CFAP61: variants seen among roughly 807,000 people sequenced by gnomAD.
CFAP61 encodes the protein cilia and flagella associated protein 61.
In CFAP61, 107 loss-of-function variants were observed where a neutral mutation model predicts 135.6. The ratio of observed to expected loss-of-function variants is 0.79; its 90% CI spans 0.67 to 0.93. The LOEUF (loss-of-function observed/expected upper bound fraction) is 0.93. CFAP61 is among the 40% of genes least tolerant of loss of function. The pLI is 0.00. For missense variants in CFAP61, 1,507 were observed against 1,556.2 expected (o/e 0.97, Z 0.53); for synonymous variants, 575 against 578.5 (o/e 0.99, Z 0.09).
At chr20:20,075,288 G>A in intron 5 of CFAP61, 32 bp downstream of exon 5, 2 of 1,605,478 alleles carry the variant, frequency 1.2e-6, no homozygotes, top group Non-Finnish European at 1.7e-6. Context: ...CTGGTCCCCG[G>A]TAGCAAACAT....
rs994934394 is a variant in CFAP61 at position 20,345,718 on chromosome 20, C to T, written c.3513+3797C>T. 5.9e-5 allele frequency among the ~76,000 whole-genome samples: 9 copies of T among 151,892 alleles called. No individual in the cohort carries two copies. The South Asian group carries it at 6.2e-4, about 11-fold the overall frequency. Reference sequence around the variant, plus strand: ...GGCAGATCACCTGAGGTCAGGAGTTCGAGACTAGCCTGGCCAACATGGTGA... The same window carrying T: ...GGCAGATCACCTGAGGTCAGGAGTTTGAGACTAGCCTGGCCAACATGGTGA... On this transcript the variant is annotated intron_variant, in intron 26 of 26. Coordinates refer to ENST00000245957, the MANE Select transcript of CFAP61 (RefSeq NM_015585.4).
intron 2 of CFAP61, among the ~76,000 whole-genome samples, chr20:20,068,935 G>A (rs1383637903): frequency 6.6e-6 from 1 of 152,192 alleles, no homozygotes; most frequent in Non-Finnish European, 1.5e-5. Context: ...AGTAGAAACA[G>A]GGTTTCACCA....
intron 11 of CFAP61, among the ~76,000 whole-genome samples, chr20:20,164,592 C>T (rs1397935972): frequency 6.6e-6 from 1 of 152,040 alleles, no homozygotes; most frequent in African/African-American, 2.4e-5. Flanking sequence ...GAAATCCAAC[C>T]AAACTGGCTT....
intron 6 of CFAP61, among the ~76,000 whole-genome samples, chr20:20,082,820 A>G (rs956502419): frequency 2.6e-5 from 4 of 152,200 alleles, no homozygotes; most frequent in Non-Finnish European, 5.9e-5. Context: ...AAGGATGGCC[A>G]TAATTTAAAA....
chr20:20,352,785 T>A (rs902722109), intron 26 of CFAP61, among the ~76,000 whole-genome samples: 32 of 152,170 alleles, frequency 2.1e-4, no homozygotes, highest in African/African-American at 7.5e-4. Context: ...TCAGAAAGGA[T>A]TTTTTTGGAT....
intron 8 of CFAP61, among the ~76,000 whole-genome samples, chr20:20,120,238 G>C (rs2049506584): frequency 6.6e-6 from 1 of 152,088 alleles, no homozygotes; most frequent in African/African-American, 2.4e-5. Context: ...TTGTTTATTT[G>C]AAGACTTCCT....
At chr20:20,334,942 C>T (rs1405748096) in intron 25 of CFAP61, among the ~76,000 whole-genome samples, 1 of 152,178 alleles carries the variant, frequency 6.6e-6, no homozygotes, top group East Asian at 1.9e-4. Context: ...CCAGGAATAA[C>T]TAGAAATACT....
intron 17 of CFAP61, among the ~76,000 whole-genome samples, chr20:20,203,403 A>G (rs2056718965): frequency 6.6e-6 from 1 of 152,184 alleles, no homozygotes; most frequent in Non-Finnish European, 1.5e-5. Flanking sequence ...ACTCTCATGG[A>G]AGTTTTTATT....
intron 15 of CFAP61, among the ~76,000 whole-genome samples, chr20:20,192,655 C>T (rs1423788592): frequency 2.6e-5 from 4 of 152,120 alleles, no homozygotes; most frequent in Admixed American, 6.5e-5. Flanking sequence ...TAAATATTAC[C>T]TTTGTTAAAC....
intron 25 of CFAP61, among the ~76,000 whole-genome samples, chr20:20,320,929 A>C (rs2057481075): frequency 6.6e-6 from 1 of 151,708 alleles, no homozygotes; most frequent in Admixed American, 6.6e-5. Flanking sequence ...GGATTATTTG[A>C]AATGTTTACA....
At chr20:20,151,007 C>A (rs1463736286) in intron 9 of CFAP61, among the ~76,000 whole-genome samples, 1 of 152,072 alleles carries the variant, frequency 6.6e-6, no homozygotes, top group Non-Finnish European at 1.5e-5. Flanking sequence ...TTCTGTAACA[C>A]CCCCAAAAGA....
chr20:20,169,892 A>G (rs1385280612), intron 13 of CFAP61, among the ~76,000 whole-genome samples: 1 of 152,204 alleles, frequency 6.6e-6, no homozygotes. Flanking sequence ...AACTTTTTTT[A>G]TACTCTATCA....
At chr20:20,191,813 A>G (rs2055943072) in intron 15 of CFAP61, among the ~76,000 whole-genome samples, 1 of 151,974 alleles carries the variant, frequency 6.6e-6, no homozygotes, top group African/African-American at 2.4e-5. Context: ...TCAAATGGAA[A>G]TGCCATTTTA....
intron 26 of CFAP61, among the ~76,000 whole-genome samples, chr20:20,348,304 A>G (rs1380416818): frequency 1.3e-5 from 2 of 152,206 alleles, no homozygotes; most frequent in Non-Finnish European, 2.9e-5. Flanking sequence ...ATATTAAAGG[A>G]CTAAACACCC....
At chr20:20,226,701 CAAG>C (rs2048759168) in intron 17 of CFAP61, among the ~76,000 whole-genome samples, 1 of 152,180 alleles carries the variant, frequency 6.6e-6, no homozygotes, top group South Asian at 2.1e-4. Flanking sequence ...ATCTAGAAAA[CAAG>C]AAGGCTTCTC....
chr20:20,264,174 T>C (rs1444177204), intron 21 of CFAP61, among the ~76,000 whole-genome samples: 2 of 152,204 alleles, frequency 1.3e-5, no homozygotes, highest in Non-Finnish European at 2.9e-5. Context: ...AATTTGCTGA[T>C]ACTATTTATA....
intron 1 of CFAP61, among the ~76,000 whole-genome samples, chr20:20,054,772 ACAGT>A (rs1256194895): frequency 1.3e-5 from 2 of 152,146 alleles, no homozygotes; most frequent in South Asian, 2.1e-4. Context: ...TTTTTTATAG[ACAGT>A]CTGTCTTTTG....
chr20:20,142,084 AG>A (rs2051448242), intron 8 of CFAP61, among the ~76,000 whole-genome samples: 1 of 152,206 alleles, frequency 6.6e-6, no homozygotes, highest in Non-Finnish European at 1.5e-5. Flanking sequence ...GTCTTCTCCC[AG>A]GTCTCCCTCT....
Position 20,187,971 on chromosome 20 carries a change from G to A in CFAP61, c.1427G>A (p.Gly476Asp), listed in dbSNP as rs200764112. The change falls in exon 14 of 27, where the codon GGT (glycine) becomes GAT (aspartate). Residue 476 changes from glycine to aspartate, a missense_variant. Transcript: ENST00000245957. The stretch of plus-strand genomic sequence containing the variant: ...TTTGCCACTCTCTTGGATACTCCTG[G>A]TGTGGAAAATCTTGTCAGCACCCTC... ...IRFATLLDTP[G>D]VENLVSTLML... The A allele has an allele frequency of 1.4e-4, 224 of 1,613,436 alleles. No individual in the cohort carries two copies. Among genetic ancestry groups the A allele is most frequent in the Non-Finnish European group, 1.9e-4 (220 of 1,179,556 alleles).
Sources: gnomAD v4.1 joint callset for allele counts (sites outside exome capture counted in the v4.1 genomes callset) on GRCh38, gnomAD v4.1.1 for gene constraint, MANE v1.5 for transcripts, NCBI Gene and HGNC (gene_info 2026-07-23, HGNC 2026-07-21) for gene names.